LCTL: variants seen among roughly 807,000 people sequenced by gnomAD.
LCTL encodes lactase like, also known as lactase-like protein.
LCTL carries 76 observed loss-of-function variants against 75.8 expected under a neutral mutation model. That is an observed-to-expected ratio of 1.00 (90% CI 0.83 to 1.21). LCTL has a LOEUF of 1.21. Among genes scored for constraint, LCTL ranks in the 50% most tolerant of loss-of-function variants. The pLI is 0.00. For missense variants in LCTL, 670 were observed against 712.4 expected, an observed-to-expected ratio of 0.94 and a Z score of 0.68; for synonymous variants, 271 against 268.8, an observed-to-expected ratio of 1.01 and a Z score of -0.08.
chr15:66,551,981 G>A (rs1422627100), intron 10 of LCTL, 62 bp downstream of exon 11: 1 of 1,574,920 alleles, frequency 6.3e-7, no homozygotes, highest in African/African-American at 1.4e-5. Context: ...TTGATTGTGT[G>A]TTAATCACAT....
intron 8 of LCTL, among the ~76,000 whole-genome samples, chr15:66,554,700 G>A (rs944931584): frequency 6.6e-6 from 1 of 152,134 alleles, no homozygotes; most frequent in Non-Finnish European, 1.5e-5. Context: ...CTGTCAGTAG[G>A]GTCTGGTTAT....
chr15:66,563,502 G>A lies in LCTL; in HGVS notation c.480+14C>T, dbSNP rs749433588. ...GAGTCCCCTTTGGGCCTGTGAGCCT[G>A]CTCAGGTCCTCACCTGTGGCAGATC... On this transcript the variant is annotated intron_variant, in intron 4 of 12. Transcript: ENST00000341509. The A allele has an allele frequency of 5.6e-6, 9 of 1,596,068 alleles. No individual in the cohort carries two copies. In the Middle Eastern group the frequency reaches 1.1e-3, roughly 193 times the overall value.
exon 1 of LCTL, chr15:66,565,327 T>C: frequency 1.7e-5 from 27 of 1,613,658 alleles, no homozygotes; most frequent in Non-Finnish European, 2.3e-5. Context: ...GCACCAGCAG[T>C]AGCATCCACA....
chr15:66,561,624 A>G (rs12900174), intron 4 of LCTL, among the ~76,000 whole-genome samples: 45,823 of 152,112 alleles, frequency 0.3, 7,091 homozygotes, highest in African/African-American at 0.32. Context: ...CTTGGGACAG[A>G]GTCTGCCTTC....
At chr15:66,551,047 G>A (rs533780737) in intron 11 of LCTL, among the ~76,000 whole-genome samples, 1 of 151,942 alleles carries the variant, frequency 6.6e-6, no homozygotes, top group South Asian at 2.1e-4. Context: ...GTATTTGTTT[G>A]CATTAAGACA....
At chr15:66,549,282 C>T (rs1895503063) in intron 12 of LCTL, 1 of 152,050 alleles carries the variant, frequency 6.6e-6, no homozygotes, top group South Asian at 2.1e-4. Flanking sequence ...ATGGAATATA[C>T]ATTCTTAGTA....
intron 11 of LCTL, 115 bp from the exon 13 acceptor site, chr15:66,550,219 G>A: frequency 1.6e-6 from 1 of 631,196 alleles, no homozygotes; most frequent in Admixed American, 3.0e-5. Context: ...TCTATCTGTA[G>A]TTTATGTTTT....
intron 8 of LCTL, among the ~76,000 whole-genome samples, chr15:66,554,624 A>C (rs1334425390): frequency 3.3e-5 from 5 of 152,208 alleles, no homozygotes; most frequent in Admixed American, 1.3e-4. Flanking sequence ...ACACATGTAA[A>C]GGGATGTTTG....
At chr15:66,561,233 G>A (rs759253971) in exon 5 of LCTL, 3 of 1,614,210 alleles carry the variant, frequency 1.9e-6, no homozygotes, top group Non-Finnish European at 2.5e-6. Flanking sequence ...GTCCCCAAAG[G>A]CCTCAAAGCA....
At chr15:66,553,328 C>A in intron 8 of LCTL, 70 bp from the exon 10 acceptor site, 1 of 1,255,990 alleles carries the variant, frequency 8.0e-7, no homozygotes, top group South Asian at 1.8e-5. Context: ...TGTATCATGA[C>A]GATAGTGACA....
chr15:66,564,474 C>G (rs1567062997), intron 2 of LCTL: 1 of 588,134 alleles, frequency 1.7e-6, no homozygotes, highest in African/African-American at 1.9e-5. Flanking sequence ...ACATCCACCT[C>G]ACATCCTGGC....
At chr15:66,549,427 A>C (rs146259471) in intron 12 of LCTL, 2 of 152,332 alleles carry the variant, frequency 1.3e-5, no homozygotes, top group East Asian at 1.9e-4. Flanking sequence ...GTTAAAAAGG[A>C]AAGCATATTT....
Position 66,563,638 on chromosome 15 carries a change from TA to T in LCTL, c.371-14del. On this transcript the variant is annotated splice_polypyrimidine_tract_variant and intron_variant, in intron 3 of 12. Coordinates refer to ENST00000341509, the Ensembl canonical transcript of LCTL. ...TTCACCTGCTCGGCTGCAGGTGAAA[TA>T]AAAGAAGATGCTACCAGAAAGGACC... 1 of 1,564,950 alleles carries T rather than the reference TA, an allele frequency of 6.4e-7. No homozygotes were observed.
At chr15:66,560,498 C>G (rs915987789) in intron 6 of LCTL, among the ~76,000 whole-genome samples, 1 of 152,180 alleles carries the variant, frequency 6.6e-6, no homozygotes, top group African/African-American at 2.4e-5. Flanking sequence ...GCCATTTGTT[C>G]CATCACACTC....
intron 4 of LCTL, among the ~76,000 whole-genome samples, chr15:66,562,322 G>A (rs377546487): frequency 4.0e-5 from 6 of 150,716 alleles, no homozygotes; most frequent in Non-Finnish European, 7.4e-5. Flanking sequence ...AGAATCACTC[G>A]AACCCAGGAG....
intron 11 of LCTL, 101 bp downstream of exon 12, chr15:66,551,561 C>T (rs1033480815): frequency 4.3e-6 from 4 of 927,720 alleles, no homozygotes; most frequent in Admixed American, 4.3e-5. Context: ...CGTCCTCTTT[C>T]ATGGAGGAAA....
chr15:66,549,932 G>A lies in LCTL; in HGVS notation c.1588+109C>T, dbSNP rs1530196. 4.1e-3 allele frequency: 2,620 copies of A among 638,782 alleles called. 41 individuals are homozygous for A. In the African/African-American group the frequency reaches 0.044, roughly 11 times the overall value. 39.6% of individuals were successfully genotyped at this position (638,782 alleles called of 1,614,324 possible). On this transcript the variant is annotated intron_variant, in intron 12 of 12. Transcript: ENST00000341509. ...AGAAACCTGATTTTAATCATAAGTAGTTTTGGAAGATTGACTTCAAGTAGA... is the reference window on the plus strand; with the variant it reads ...AGAAACCTGATTTTAATCATAAGTAATTTTGGAAGATTGACTTCAAGTAGA...
chr15:66,564,618 T>A, intron 2 of LCTL, 58 bp downstream of exon 3: 1 of 1,556,650 alleles, frequency 6.4e-7, no homozygotes, highest in Non-Finnish European at 8.7e-7. Flanking sequence ...CAGCTAGGCA[T>A]GTACTCACAT....
intron 8 of LCTL, 24 bp downstream of exon 9, chr15:66,557,698 A>G: frequency 6.2e-7 from 1 of 1,605,752 alleles, no homozygotes; most frequent in Non-Finnish European, 8.5e-7. Flanking sequence ...TAGTATCTGC[A>G]GTTTAAAATG....
Sources: gnomAD v4.1 joint callset for allele counts (sites outside exome capture counted in the v4.1 genomes callset) on GRCh38, gnomAD v4.1.1 for gene constraint, MANE v1.5 for transcripts, NCBI Gene and HGNC (gene_info 2026-07-23, HGNC 2026-07-21) for gene names.